DYNLL1: variants seen among roughly 807,000 people sequenced by gnomAD.
The protein encoded by DYNLL1 is dynein light chain LC8-type 1, also known as dynein light chain 1, cytoplasmic.
In DYNLL1, 3 loss-of-function variants were observed where a neutral mutation model predicts 10.1. The ratio of observed to expected loss-of-function variants is 0.30; its 90% CI spans 0.14 to 0.77. DYNLL1 has a LOEUF of 0.77. Among genes scored for constraint, DYNLL1 ranks in the 30% least tolerant of loss-of-function variants. The pLI is 0.66. For missense variants in DYNLL1, 47 were observed against 111.7 expected (o/e 0.42, Z 2.61); for synonymous variants, 46 against 41.2 (o/e 1.12, Z -0.45).
At chr12:120,474,279 G>A (rs948461591) in intron 1 of DYNLL1, among the ~76,000 whole-genome samples, 2 of 151,934 alleles carry the variant, frequency 1.3e-5, no homozygotes, top group African/African-American at 2.4e-5. Flanking sequence ...CAGCCTGGGC[G>A]ACAGAGTGAG....
rs761906746 is a variant in DYNLL1, at chr12:120,485,952, A to G, written c.-6-10464A>G. On this transcript the variant is annotated intron_variant, in intron 1 of 2. Transcript: ENST00000392509. ...TTAAGACAAAATATTGACAATGGTT[A>G]TCTCTGTACAGTTAACATTTATAAT... Among the ~76,000 whole-genome samples the G allele has an allele frequency of 3.3e-5, 5 of 151,300 alleles. No homozygotes were observed. The South Asian group carries it at 1.0e-3, about 32-fold the overall frequency.
chr12:120,470,360 T>C (rs1878618391), intron 1 of DYNLL1, among the ~76,000 whole-genome samples: 1 of 152,112 alleles, frequency 6.6e-6, no homozygotes, highest in Admixed American at 6.5e-5. Flanking sequence ...ACTGAGTCCT[T>C]ATGGAGCTCA....
chr12:120,495,699 G>C (rs1157850411), upstream of DYNLL1: 2 of 139,254 alleles, frequency 1.4e-5, no homozygotes, highest in African/African-American at 2.6e-5. Flanking sequence ...TGGTGGGGGG[G>C]CGGGGGGGTG....
intron 1 of DYNLL1, among the ~76,000 whole-genome samples, chr12:120,482,163 T>C (rs1322104954): frequency 6.6e-6 from 1 of 152,218 alleles, no homozygotes. Context: ...TTTGCACCTG[T>C]AGTCTCAGTT....
Position 120,498,063 on chromosome 12 carries a change from T to C in DYNLL1, c.133-10T>C, listed in dbSNP as rs200418127. 1 of 1,613,038 alleles carries C rather than the reference T, an allele frequency of 6.2e-7. No individual in the cohort carries two copies. Among genetic ancestry groups the C allele is most frequent in the Admixed American group, 1.7e-5 (1 of 59,830 alleles). ...TTAAAATCCTAGTTCTTTTCTTTTG[T>C]CTTTTCCAGGAATTTGACAAGAAGT... is the stretch of plus-strand genomic sequence containing the variant. On this transcript the variant is annotated splice_polypyrimidine_tract_variant and intron_variant, in intron 2 of 2. Coordinates refer to ENST00000242577, the MANE Select transcript of DYNLL1 (RefSeq NM_003746.3).
At chr12:120,471,703 C>G (rs1314638593) in intron 1 of DYNLL1, among the ~76,000 whole-genome samples, 1 of 151,994 alleles carries the variant, frequency 6.6e-6, no homozygotes, top group Non-Finnish European at 1.5e-5. Context: ...CTCCGCCTCC[C>G]AGGTTCATGC....
upstream of DYNLL1, chr12:120,491,584 T>C (rs1432586333): frequency 6.6e-6 from 1 of 152,512 alleles, no homozygotes; most frequent in Non-Finnish European, 1.5e-5. Flanking sequence ...AAGTGATTGC[T>C]GGACTGGGCT....
upstream of DYNLL1, chr12:120,491,102 T>C (rs1190494428): frequency 6.6e-6 from 1 of 152,338 alleles, no homozygotes; most frequent in Non-Finnish European, 1.5e-5. Flanking sequence ...CAAAGTCTGT[T>C]CCTTTAATGT....
chr12:120,477,837 C>T (rs1394548837), intron 1 of DYNLL1, among the ~76,000 whole-genome samples: 1 of 152,036 alleles, frequency 6.6e-6, no homozygotes, highest in East Asian at 1.9e-4. Context: ...GCTCTTGTTG[C>T]CCAGGCTGGA....
rs1868534448 is a variant in DYNLL1 at position 120,498,273 on chromosome 12, C to T, written c.*63C>T. On this transcript the variant is annotated 3_prime_UTR_variant, in exon 3 of 3. Coordinates refer to ENST00000242577, the MANE Select transcript of DYNLL1 (RefSeq NM_003746.3). ...AAAACAAGGACTGCAGCCTAAATTC[C>T]AAATACCAGAGACTGAAATTTTCAG... 6.4e-7 allele frequency: 1 copy of T among 1,552,598 alleles called. No individual in the cohort carries two copies. Among genetic ancestry groups the T allele is most frequent in the African/African-American group, 1.4e-5 (1 of 72,858 alleles).
intron 1 of DYNLL1, among the ~76,000 whole-genome samples, chr12:120,473,763 T>C (rs954010542): frequency 1.5e-4 from 22 of 151,642 alleles, no homozygotes; most frequent in African/African-American, 5.1e-4. Flanking sequence ...CTCAGCTACT[T>C]GATCTCGAAC....
chr12:120,486,046 C>A (rs906177512), intron 1 of DYNLL1, among the ~76,000 whole-genome samples: 1 of 151,930 alleles, frequency 6.6e-6, no homozygotes, highest in Non-Finnish European at 1.5e-5. Flanking sequence ...TAATAAAAAA[C>A]GGGTGTCAGG....
chr12:120,476,296 G>A lies in DYNLL1; in HGVS notation c.-7+6192G>A, dbSNP rs543799435. On this transcript the variant is annotated intron_variant, in intron 1 of 2. Coordinates refer to the DYNLL1 transcript ENST00000392509. ...TCCTTAAAGGTAAAAAACAAGTATGGGAATTATCTGGAGTTTTTTTTTTTT... is the reference window on the plus strand; with the variant it reads ...TCCTTAAAGGTAAAAAACAAGTATGAGAATTATCTGGAGTTTTTTTTTTTT... Among the ~76,000 whole-genome samples the A allele has an allele frequency of 2.9e-5, 4 of 139,312 alleles. No homozygotes were observed. In the South Asian group the frequency reaches 7.0e-4, roughly 25 times the overall value. The allele number at this position is 139,312 out of a possible 152,430, so 91.4% of individuals were successfully genotyped here. A position where few individuals can be genotyped will look rare whatever the true frequency, so the allele number is the denominator to read the frequency against.
chr12:120,494,733 G>C (rs901764729), upstream of DYNLL1, among the ~76,000 whole-genome samples: 6 of 152,150 alleles, frequency 3.9e-5, no homozygotes, highest in Admixed American at 1.3e-4. Flanking sequence ...TGGGATTACA[G>C]GTGTGAGCCA....
chr12:120,475,785 C>T (rs1026676189), intron 1 of DYNLL1, among the ~76,000 whole-genome samples: 1 of 152,130 alleles, frequency 6.6e-6, no homozygotes, highest in African/African-American at 2.4e-5. Flanking sequence ...CCCATTCCCC[C>T]AAAAAAGGCC....
At chr12:120,488,196 C>G (rs1385999429) in intron 1 of DYNLL1, 1 of 152,276 alleles carries the variant, frequency 6.6e-6, no homozygotes, top group Admixed American at 6.5e-5. Context: ...TCTCCCCACC[C>G]CTACTCCCTG....
At position 120,496,198 on chromosome 12, in the gene DYNLL1, G is replaced by A. The variant is rs1381714320; in HGVS notation, c.-25G>A. 7.6e-6 allele frequency: 5 copies of A among 658,730 alleles called. No homozygotes were observed. Among genetic ancestry groups the A allele is most frequent in the South Asian group, 1.9e-5 (1 of 52,154 alleles). The allele number at this position is 658,730 out of a possible 1,614,324, so 40.8% of individuals were successfully genotyped here. A position where few individuals can be genotyped will look rare whatever the true frequency, so the allele number is the denominator to read the frequency against. ...CTCCCCCAGGAGACCGTTGCAGTCG[G>A]CCAGCCCCCTTCTCCACGGTGAGAA... is the stretch of plus-strand genomic sequence containing the variant. On this transcript the variant is annotated 5_prime_UTR_variant, in exon 1 of 3. Transcript: ENST00000242577.
At chr12:120,487,219 C>T (rs1232097133) in intron 1 of DYNLL1, among the ~76,000 whole-genome samples, 1 of 143,370 alleles carries the variant, frequency 7.0e-6, no homozygotes, top group Non-Finnish European at 1.5e-5. Context: ...GTGATCCACC[C>T]GCCTCAGCCT....
intron 1 of DYNLL1, chr12:120,490,531 T>A (rs1229701028): frequency 6.6e-6 from 1 of 152,264 alleles, no homozygotes; most frequent in Non-Finnish European, 1.5e-5. Flanking sequence ...CGTTCCTTCA[T>A]CTGCAAGTAG....
Sources: gnomAD v4.1 joint callset for allele counts (sites outside exome capture counted in the v4.1 genomes callset) on GRCh38, gnomAD v4.1.1 for gene constraint, MANE v1.5 for transcripts, NCBI Gene and HGNC (gene_info 2026-07-23, HGNC 2026-07-21) for gene names.